PDE7B: variants seen among roughly 807,000 people sequenced by gnomAD.
The protein encoded by PDE7B is 3',5'-cyclic-AMP phosphodiesterase 7B.
Under a neutral mutation model 56.2 loss-of-function variants are expected in PDE7B, and 29 were observed. The observed-to-expected ratio is 0.52, with a 90% CI of 0.38 to 0.70. PDE7B has a LOEUF of 0.70. PDE7B is among the 30% of genes least tolerant of loss of function. The probability of loss-of-function intolerance (pLI) is 0.00; values close to 1 mark genes in which losing one functional copy is unlikely to be tolerated. For synonymous variants in PDE7B, 197 were observed against 196.9 expected, an observed-to-expected ratio of 1.00 and a Z score of 0.00; for missense variants, 490 against 565.0, an observed-to-expected ratio of 0.87 and a Z score of 1.35.
chr6:135,897,410 G>A (rs756603860), intron 1 of PDE7B, among the ~76,000 whole-genome samples: 7 of 152,078 alleles, frequency 4.6e-5, no homozygotes, highest in Non-Finnish European at 7.3e-5. Flanking sequence ...GTCTTTCAAA[G>A]CTCCTTGCCT....
chr6:135,926,137 A>C (rs530727821), intron 1 of PDE7B, among the ~76,000 whole-genome samples: 2 of 131,456 alleles, frequency 1.5e-5, no homozygotes, highest in South Asian at 2.5e-4. Context: ...CCCAGGCTGC[A>C]GTGCAGTGGC....
chr6:136,052,723 T>C (rs1776654169), intron 2 of PDE7B, among the ~76,000 whole-genome samples: 1 of 150,414 alleles, frequency 6.6e-6, no homozygotes, highest in African/African-American at 2.5e-5. Context: ...GAAGCAATGC[T>C]TCCTTTTAGA....
intron 2 of PDE7B, among the ~76,000 whole-genome samples, chr6:135,978,848 T>C: frequency 6.6e-6 from 1 of 152,028 alleles, no homozygotes; most frequent in East Asian, 1.9e-4. Flanking sequence ...CTTCCTCTTT[T>C]CCTGATTGAA....
At chr6:136,071,562 C>A (rs7760873) in intron 2 of PDE7B, among the ~76,000 whole-genome samples, 150,073 of 152,378 alleles carry the variant, frequency 0.98, 73,912 homozygotes, top group East Asian at 1. Flanking sequence ...TTCATTTCAC[C>A]ATTACAGAAA....
At chr6:136,183,052 A>G (rs1779091295) in intron 11 of PDE7B, among the ~76,000 whole-genome samples, 1 of 147,752 alleles carries the variant, frequency 6.8e-6, no homozygotes, top group Non-Finnish European at 1.5e-5. Flanking sequence ...AGCCTGGGCA[A>G]CAGAGCAAGA....
chr6:136,163,431 C>T (rs1158443168), intron 8 of PDE7B, among the ~76,000 whole-genome samples: 1 of 152,246 alleles, frequency 6.6e-6, no homozygotes, highest in East Asian at 1.9e-4. Flanking sequence ...CTGCACAGAG[C>T]TGGGGGCCCT....
In PDE7B at chr6:136,154,953, C is replaced by T. The variant is rs184357858; in HGVS notation, c.580-674C>T. Among the ~76,000 whole-genome samples, 247 of 152,270 alleles carry T rather than the reference C, an allele frequency of 1.6e-3. 1 individual carries two copies. Among genetic ancestry groups the T allele is most frequent in the African/African-American group, 5.6e-3 (234 of 41,558 alleles). On this transcript the variant is annotated intron_variant, in intron 7 of 12. Transcript: ENST00000308191. ...TCTCAGGGCAAAGCTGGGTGGGTGC[C>T]TCATCCCTGCAACATATCCCAAGGA...
chr6:136,089,479 G>A (rs1777349839), intron 2 of PDE7B, among the ~76,000 whole-genome samples: 1 of 152,178 alleles, frequency 6.6e-6, no homozygotes, highest in South Asian at 2.1e-4. Flanking sequence ...AGAGAAAGAT[G>A]CAATTGTTCA....
intron 1 of PDE7B, among the ~76,000 whole-genome samples, chr6:135,853,725 ATT>A (rs1354933086): frequency 2.7e-5 from 4 of 149,342 alleles, no homozygotes; most frequent in African/African-American, 9.8e-5. Context: ...AGCTGGGAGA[ATT>A]TTTTTTTTTA....
Position 135,982,083 on chromosome 6 carries a change from C to T in PDE7B, c.82+34559C>T, listed in dbSNP as rs541397907. Reference sequence around the variant, plus strand: ...TGTCATTGACCCACACGGTCTTACACAGCACATGACTATACTTATCCTGAC... The same window carrying T: ...TGTCATTGACCCACACGGTCTTACATAGCACATGACTATACTTATCCTGAC... On this transcript the variant is annotated intron_variant, in intron 2 of 12. Transcript: ENST00000308191. Among the ~76,000 whole-genome samples the T allele has an allele frequency of 4.9e-4, 74 of 152,270 alleles. 2 individuals carry two copies. Among genetic ancestry groups the T allele is most frequent in the South Asian group, 4.1e-4 (2 of 4,828 alleles).
At chr6:135,972,548 C>T (rs773337052) in intron 2 of PDE7B, among the ~76,000 whole-genome samples, 3 of 152,182 alleles carry the variant, frequency 2.0e-5, no homozygotes, top group African/African-American at 2.4e-5. Context: ...ATTTGCTAAT[C>T]TACCTCCCTC....
At chr6:135,962,973 C>T (rs1052493502) in intron 2 of PDE7B, among the ~76,000 whole-genome samples, 10 of 152,120 alleles carry the variant, frequency 6.6e-5, no homozygotes, top group Non-Finnish European at 8.8e-5. Flanking sequence ...TGTGGTTCTG[C>T]GGCAAATGGA....
intron 2 of PDE7B, among the ~76,000 whole-genome samples, chr6:135,995,208 C>T (rs1775543472): frequency 2.0e-5 from 3 of 151,292 alleles, no homozygotes; most frequent in Admixed American, 6.6e-5. Flanking sequence ...AACCCTCCCC[C>T]GGCCCCACGC....
intron 2 of PDE7B, among the ~76,000 whole-genome samples, chr6:135,987,496 T>C (rs1775402824): frequency 1.3e-5 from 2 of 152,146 alleles, no homozygotes; most frequent in South Asian, 4.1e-4. Flanking sequence ...GTGATTGTGG[T>C]ATCTCAAATG....
intron 2 of PDE7B, among the ~76,000 whole-genome samples, chr6:136,054,457 G>A (rs1339757169): frequency 1.4e-4 from 21 of 152,154 alleles, no homozygotes; most frequent in Admixed American, 1.4e-3. Context: ...GGTTACTGTA[G>A]ACTTGTAGTA....
chr6:135,936,571 A>G (rs767989798), intron 1 of PDE7B, among the ~76,000 whole-genome samples: 10 of 152,178 alleles, frequency 6.6e-5, no homozygotes, highest in Non-Finnish European at 1.5e-4. Flanking sequence ...CTTGCTGCAC[A>G]TTGTATCAGG....
chr6:135,890,486 T>C (rs1775791275), intron 1 of PDE7B, among the ~76,000 whole-genome samples: 1 of 152,158 alleles, frequency 6.6e-6, no homozygotes. Context: ...AGATAAAACA[T>C]AAGGAATATG....
At chr6:136,113,116 C>T (rs1242745801) in intron 3 of PDE7B, among the ~76,000 whole-genome samples, 1 of 152,068 alleles carries the variant, frequency 6.6e-6, no homozygotes, top group Non-Finnish European at 1.5e-5. Context: ...TAATAACAAA[C>T]GTATATTTGA....
At chr6:135,901,387 A>T (rs1296163617) in intron 1 of PDE7B, among the ~76,000 whole-genome samples, 2 of 152,210 alleles carry the variant, frequency 1.3e-5, no homozygotes, top group Non-Finnish European at 2.9e-5. Flanking sequence ...ATATTTTAAT[A>T]AAGACAGTGG....
Sources: allele counts gnomAD v4.1 joint callset (sites outside exome capture counted in the v4.1 genomes callset), GRCh38; gene constraint gnomAD v4.1.1; transcripts MANE v1.5; gene names NCBI Gene and HGNC (gene_info 2026-07-23, HGNC 2026-07-21).